TSPAN7: variants seen among roughly 807,000 people sequenced by gnomAD.
TSPAN7 encodes the protein tetraspanin-7.
A neutral mutation model predicts 17.6 loss-of-function variants in TSPAN7; 1 was observed. That is an observed-to-expected ratio of 0.06 (90% CI 0.02 to 0.27). The LOEUF is 0.27. Ranked by LOEUF, TSPAN7 falls within the 10% of genes least tolerant of loss-of-function variation. The pLI is 1.00. For synonymous variants in TSPAN7, 78 were observed against 79.0 expected (o/e 0.99, Z 0.07); for missense variants, 112 against 201.7 (o/e 0.56, Z 2.69).
At chrX:38,566,947 G>C (rs1399982813) in intron 1 of TSPAN7, among the ~76,000 whole-genome samples, 3 of 111,944 alleles carry the variant, frequency 2.7e-5, no homozygotes, top group African/African-American at 9.7e-5. Flanking sequence ...TAATTCAAGT[G>C]TATATTGGGC....
chrX:38,660,517 C>T (rs754223191), intron 1 of TSPAN7, among the ~76,000 whole-genome samples: 21 of 112,026 alleles, frequency 1.9e-4, no homozygotes, highest in Non-Finnish European at 3.4e-4. Context: ...ATCTGAGGAA[C>T]GTGGATTTTA....
intron 1 of TSPAN7, among the ~76,000 whole-genome samples, chrX:38,576,255 GT>G (rs1235400816): frequency 9.0e-6 from 1 of 111,555 alleles, no homozygotes; most frequent in Non-Finnish European, 1.9e-5. Context: ...AAAATCTAAA[GT>G]TTAATATGGG....
intron 2 of TSPAN7, 55 bp from the exon 3 acceptor site, chrX:38,671,321 G>A (rs1375453739): frequency 7.7e-5 from 87 of 1,129,787 alleles, no homozygotes; most frequent in Non-Finnish European, 8.5e-5. Flanking sequence ...CCCTGAAGAA[G>A]CCCTCTTCTT....
chrX:38,606,231 C>T (rs2069381864), intron 1 of TSPAN7, among the ~76,000 whole-genome samples: 1 of 110,320 alleles, frequency 9.1e-6, no homozygotes, highest in Non-Finnish European at 1.9e-5. Context: ...AACAAACAAC[C>T]CCATCAAAAA....
At chrX:38,579,538 A>T (rs2069216153) in intron 1 of TSPAN7, among the ~76,000 whole-genome samples, 1 of 111,394 alleles carries the variant, frequency 9.0e-6, no homozygotes, top group Non-Finnish European at 1.9e-5. Flanking sequence ...GTGAGCCAAG[A>T]TTGTGCCAGC....
At chrX:38,608,403 A>G (rs930636132) in intron 1 of TSPAN7, 2 of 110,416 alleles carry the variant, frequency 1.8e-5, no homozygotes, top group Non-Finnish European at 3.8e-5. Flanking sequence ...CTCCAATCCA[A>G]TATGGGTAGC....
chrX:38,636,877 A>C (rs755460597), intron 1 of TSPAN7, among the ~76,000 whole-genome samples: 1 of 110,680 alleles, frequency 9.0e-6, no homozygotes, highest in East Asian at 2.9e-4. Flanking sequence ...GAGGTCTCGA[A>C]CTCCTGACCT....
intron 1 of TSPAN7, among the ~76,000 whole-genome samples, chrX:38,635,556 C>T (rs766233030): frequency 9.0e-6 from 1 of 111,692 alleles, no homozygotes; most frequent in East Asian, 2.8e-4. Flanking sequence ...AAAATTAATG[C>T]TCTTTTGTTC....
chrX:38,582,425 T>C (rs1016723461), intron 1 of TSPAN7, among the ~76,000 whole-genome samples: 2 of 112,354 alleles, frequency 1.8e-5, no homozygotes, highest in African/African-American at 6.5e-5. Flanking sequence ...ACCATTCTCC[T>C]GTCCCAGATC....
At chrX:38,685,406 GC>G (rs964899069) in intron 6 of TSPAN7, among the ~76,000 whole-genome samples, 3 of 111,851 alleles carry the variant, frequency 2.7e-5, no homozygotes, top group African/African-American at 6.5e-5. Flanking sequence ...CATCACTTGA[GC>G]CCAGGAGTTC....
intron 1 of TSPAN7, among the ~76,000 whole-genome samples, chrX:38,593,916 T>C (rs777313316): frequency 8.9e-6 from 1 of 112,795 alleles, no homozygotes; most frequent in African/African-American, 3.2e-5. Context: ...TCTATCCATC[T>C]ATTTATCTGT....
At chrX:38,574,338 G>A (rs1174262010) in intron 1 of TSPAN7, among the ~76,000 whole-genome samples, 1 of 111,944 alleles carries the variant, frequency 8.9e-6, no homozygotes, top group East Asian at 2.8e-4. Flanking sequence ...AATAACCCAA[G>A]AGATGTTAGG....
At chrX:38,631,184 C>T (rs1362008908) in intron 1 of TSPAN7, among the ~76,000 whole-genome samples, 4 of 109,608 alleles carry the variant, frequency 3.6e-5, no homozygotes, top group Non-Finnish European at 5.7e-5. Context: ...GTGGTGGTCT[C>T]GGTGCATTTT....
intron 1 of TSPAN7, among the ~76,000 whole-genome samples, chrX:38,629,014 A>G (rs373845844): frequency 3.6e-5 from 4 of 112,402 alleles, no homozygotes; most frequent in African/African-American, 1.3e-4. Context: ...AAGAAAATCT[A>G]TGGCAGTTTT....
At chrX:38,672,097 C>T (rs1289254092) in intron 3 of TSPAN7, among the ~76,000 whole-genome samples, 1 of 110,871 alleles carries the variant, frequency 9.0e-6, no homozygotes, top group Non-Finnish European at 1.9e-5. Context: ...AAGTGTATAT[C>T]TGTATAACAA....
intron 1 of TSPAN7, among the ~76,000 whole-genome samples, chrX:38,644,909 A>C (rs184661171): frequency 8.9e-6 from 1 of 112,099 alleles, no homozygotes; most frequent in East Asian, 2.8e-4. Flanking sequence ...CACACAGGTC[A>C]CTTGCCAAAG....
chrX:38,608,273 C>T (rs989082028), intron 1 of TSPAN7: 3 of 109,611 alleles, frequency 2.7e-5, no homozygotes, highest in Non-Finnish European at 5.7e-5. Flanking sequence ...ACCAGAAAGC[C>T]CCCCCACCAA....
At chrX:38,652,996 C>G (rs202074549) in intron 1 of TSPAN7, among the ~76,000 whole-genome samples, 1 of 112,065 alleles carries the variant, frequency 8.9e-6, no homozygotes, top group East Asian at 2.8e-4. Flanking sequence ...GCCTTGACTG[C>G]TGTTACTTAC....
chrX:38,563,184 C>G (rs997179189), intron 1 of TSPAN7: 2 of 892,556 alleles, frequency 2.2e-6, no homozygotes, highest in Admixed American at 7.3e-5. Context: ...CTGCAATGAG[C>G]TAGGATAGAT....
Sources: allele counts gnomAD v4.1 joint callset (sites outside exome capture counted in the v4.1 genomes callset), GRCh38; gene constraint gnomAD v4.1.1; transcripts MANE v1.5; gene names NCBI Gene and HGNC (gene_info 2026-07-23, HGNC 2026-07-21).